Variants in FAM20A observed in about 807,000 individuals in gnomAD.
FAM20A encodes the protein FAM20A golgi associated secretory pathway pseudokinase.
FAM20A carries 42 observed loss-of-function variants against 52.0 expected under a neutral mutation model. The ratio of observed to expected loss-of-function variants is 0.81; its 90% CI spans 0.63 to 1.04. The LOEUF (loss-of-function observed/expected upper bound fraction) is 1.04. Ranked by LOEUF, FAM20A falls within the 50% of genes least tolerant of loss-of-function variation. The pLI, the probability that FAM20A is intolerant of heterozygous loss-of-function variation, is 0.00. For synonymous variants in FAM20A, 304 were observed against 298.9 expected, an observed-to-expected ratio of 1.02 and a Z score of -0.18; for missense variants, 742 against 712.7, an observed-to-expected ratio of 1.04 and a Z score of -0.47.
intron 1 of FAM20A, chr17:68,590,036 C>T (rs894712537): frequency 4.6e-5 from 7 of 152,144 alleles, no homozygotes; most frequent in Non-Finnish European, 1.0e-4. Flanking sequence ...AGAGGAGAAG[C>T]CATCTGTCAG....
chr17:68,553,999 CATAT>C (rs1283998709), intron 3 of FAM20A, among the ~76,000 whole-genome samples: 3,214 of 120,926 alleles, frequency 0.027, 115 homozygotes, highest in Middle Eastern at 0.045. Context: ...CATATACACA[CATAT>C]ATGCATATAT....
chr17:68,600,610 GAGC>G lies in FAM20A; in HGVS notation c.54_56del (p.Leu19del). On this transcript the variant is annotated inframe_deletion, in exon 1 of 11. Coordinates refer to ENST00000592554, the MANE Select transcript of FAM20A (RefSeq NM_017565.4). This position sits in a 1 kb window ranked among gnomAD's most constrained non-coding sequence, Gnocchi z 6.2. ...AGAGGTGGAAGTAGAGGTCGGCGGA[GAGC>G]AGCGCGCCCAGCAGCAGCAGAGTCA... The G allele has an allele frequency of 6.4e-7, 1 of 1,563,468 alleles. No individual in the cohort carries two copies. Among genetic ancestry groups the G allele is most frequent in the South Asian group, 1.2e-5 (1 of 85,468 alleles).
intron 1 of FAM20A, among the ~76,000 whole-genome samples, chr17:68,578,213 CA>C (rs2087829763): frequency 6.6e-6 from 1 of 152,156 alleles, no homozygotes; most frequent in Non-Finnish European, 1.5e-5. Context: ...TATTTATTTT[CA>C]AAAGTGTCTG....
chr17:68,579,719 C>G (rs893551257), intron 1 of FAM20A, among the ~76,000 whole-genome samples: 1 of 152,140 alleles, frequency 6.6e-6, no homozygotes, highest in African/African-American at 2.4e-5. Flanking sequence ...AGGGACCCAG[C>G]TTGATGAACA....
chr17:68,587,673 T>C (rs1039503025), intron 1 of FAM20A, among the ~76,000 whole-genome samples: 12 of 152,206 alleles, frequency 7.9e-5, no homozygotes, highest in Non-Finnish European at 1.6e-4. Context: ...AAAACATCAA[T>C]TGGCTGGATG....
At chr17:68,566,361 G>A (rs1268913160) in intron 1 of FAM20A, among the ~76,000 whole-genome samples, 2 of 152,318 alleles carry the variant, frequency 1.3e-5, no homozygotes, top group South Asian at 2.1e-4. Flanking sequence ...CACTGATTAT[G>A]GAAAGAAGTT....
Position 68,536,705 on chromosome 17 carries a change from C to G in FAM20A, c.*772G>C. ...GCTTGTGTCCCTGCTAGGCCTGTTC[C>G]CATGCCATCCTGACCTTGGAGGACT... is the stretch of plus-strand genomic sequence containing the variant. On this transcript the variant is annotated 3_prime_UTR_variant, in exon 11 of 11. Transcript: ENST00000592554. 1 of 454,000 alleles carries G rather than the reference C, an allele frequency of 2.2e-6. No individual in the cohort carries two copies. Among genetic ancestry groups the G allele is most frequent in the Non-Finnish European group, 4.4e-6 (1 of 226,770 alleles). The allele number at this position is 454,000 out of a possible 1,614,324, so 28.1% of individuals were successfully genotyped here. A position where few individuals can be genotyped will look rare whatever the true frequency, so the allele number is the denominator to read the frequency against.
At chr17:68,558,339 T>C (rs1306649733) in intron 1 of FAM20A, 1 of 445,278 alleles carries the variant, frequency 2.2e-6, no homozygotes, top group Non-Finnish European at 4.5e-6. Context: ...CCATCAGATA[T>C]GGTTTGGATG....
chr17:68,560,011 G>A (rs1376950924), intron 1 of FAM20A, among the ~76,000 whole-genome samples: 1 of 152,154 alleles, frequency 6.6e-6, no homozygotes, highest in African/African-American at 2.4e-5. Context: ...CTAATCCCCA[G>A]TATGATAGTA....
chr17:68,542,729 T>C lies in FAM20A; in HGVS notation c.893A>G (p.Asn298Ser), dbSNP rs750059449. ...VTKEILEVTK[N>S]EILQSVFFVS... The stretch of plus-strand genomic sequence containing the variant: ...AAAGAAAACACTCTGCAGGATTTCA[T>C]TCTTGGTGACCTCTAGGATTTCCTT... The change falls in exon 6 of 11, where the codon AAT becomes AGT. Residue 298 changes from asparagine (N) to serine (S), a missense_variant. Asn to Ser is a conservative substitution (Grantham distance 46). Transcript: ENST00000592554. 6.2e-7 allele frequency: 1 copy of C among 1,614,132 alleles called. No individual in the cohort carries two copies. The highest frequency in any genetic ancestry group is 1.7e-5 in the Admixed American group (1 of 60,028).
intron 8 of FAM20A, 61 bp downstream of exon 8, chr17:68,540,788 G>A (rs118054669): frequency 9.7e-6 from 15 of 1,550,330 alleles, no homozygotes; most frequent in Admixed American, 1.9e-5. Flanking sequence ...TCAAGGTCAC[G>A]GGGAACCCTA....
intron 7 of FAM20A, chr17:68,541,182 C>T (rs2086274038): frequency 1.8e-6 from 1 of 563,256 alleles, no homozygotes; most frequent in Non-Finnish European, 3.1e-6. Flanking sequence ...ACACTAAACC[C>T]ATGGTTGGGA....
chr17:68,567,213 C>G (rs1030422216), intron 1 of FAM20A, among the ~76,000 whole-genome samples: 1 of 151,894 alleles, frequency 6.6e-6, no homozygotes, highest in Non-Finnish European at 1.5e-5. Context: ...CTCAACTGCC[C>G]AAACCTGCTG....
At chr17:68,540,796 C>G in intron 8 of FAM20A, 53 bp downstream of exon 8, 1 of 1,555,432 alleles carries the variant, frequency 6.4e-7, no homozygotes, top group African/African-American at 1.4e-5. Flanking sequence ...ACGGGGAACC[C>G]TAGCCACATA....
intron 4 of FAM20A, among the ~76,000 whole-genome samples, chr17:68,548,723 ATATTTTT>A (rs1221952850): frequency 4.2e-5 from 5 of 118,018 alleles, no homozygotes; most frequent in Middle Eastern, 4.2e-3. Context: ...CTATGCCTGT[ATATTTTT>A]TTTTTTTTTT....
At chr17:68,559,066 C>T (rs1169861001) in intron 1 of FAM20A, among the ~76,000 whole-genome samples, 2 of 152,190 alleles carry the variant, frequency 1.3e-5, no homozygotes, top group Non-Finnish European at 2.9e-5. Flanking sequence ...CCAGATATTT[C>T]TTTATAGCAA....
rs371629287 is a variant in FAM20A at position 68,561,729 on chromosome 17, T to C, written c.405-5986A>G. On this transcript the variant is annotated intron_variant, in intron 1 of 10. Coordinates refer to ENST00000592554, the MANE Select transcript of FAM20A (RefSeq NM_017565.4). ...TAAACAGGCTTATCAAGTAACCTTA[T>C]TATAATGTCTTCTTGAATTATTGAT... Among the ~76,000 whole-genome samples, 134 of 152,310 alleles carry C rather than the reference T, an allele frequency of 8.8e-4. 1 individual carries two copies. The highest frequency in any genetic ancestry group is 3.2e-3 in the African/African-American group (134 of 41,564).
rs1156573190 is a variant in FAM20A at position 68,539,336 on chromosome 17, C to T, written c.1361+1G>A. The stretch of plus-strand genomic sequence containing the variant: ...GTATTATCTGCTGCAGGAAAACTTA[C>T]ATGCAGCACTGGGAGAGAGGCGAGA... On this transcript the variant is annotated splice_donor_variant, in intron 10 of 10. Transcript: ENST00000592554. LOFTEE classifies it high-confidence loss of function. 1.2e-6 allele frequency: 2 copies of T among 1,614,228 alleles called. No homozygotes were observed. Among genetic ancestry groups the T allele is most frequent in the Non-Finnish European group, 1.7e-6 (2 of 1,180,022 alleles).
intron 10 of FAM20A, 37 bp downstream of exon 10, chr17:68,539,300 G>T (rs770683832): frequency 6.2e-7 from 1 of 1,610,332 alleles, no homozygotes; most frequent in Non-Finnish European, 8.5e-7. Flanking sequence ...GGTCACAACT[G>T]TTACTTGCCC....
Sources: gnomAD v4.1 joint callset for allele counts (sites outside exome capture counted in the v4.1 genomes callset) on GRCh38, gnomAD v4.1.1 for gene constraint, Gnocchi (gnomAD v3.1) non-coding constraint, MANE v1.5 for transcripts, NCBI Gene and HGNC (gene_info 2026-07-23, HGNC 2026-07-21) for gene names.